The following PICALM variants were observed in gnomAD, a reference collection of about 807,000 sequenced individuals.
The protein encoded by PICALM is phosphatidylinositol binding clathrin assembly protein.
PICALM carries 40 observed loss-of-function variants against 80.5 expected under a neutral mutation model. That is an observed-to-expected ratio of 0.50 (90% CI 0.39 to 0.65). The LOEUF is 0.65. PICALM is among the 30% of genes least tolerant of loss of function. The pLI, the probability that PICALM is intolerant of heterozygous loss-of-function variation, is 0.00. For missense variants in PICALM, 676 were observed against 778.9 expected (o/e 0.87, Z 1.57); for synonymous variants, 288 against 260.3 (o/e 1.11, Z -1.02).
At chr11:86,049,359 T>C (rs1021594573) in intron 1 of PICALM, among the ~76,000 whole-genome samples, 4 of 152,210 alleles carry the variant, frequency 2.6e-5, no homozygotes, top group African/African-American at 9.6e-5. Context: ...ACTATCCAGT[T>C]AACTTATTTT....
intron 19 of PICALM, among the ~76,000 whole-genome samples, chr11:85,970,450 G>T (rs2094065471): frequency 6.6e-6 from 1 of 152,192 alleles, no homozygotes; most frequent in Non-Finnish European, 1.5e-5. Flanking sequence ...TATAAATAGG[G>T]AGGCTTCATG....
chr11:86,011,942 C>G (rs12287808), intron 6 of PICALM, among the ~76,000 whole-genome samples: 17 of 151,430 alleles, frequency 1.1e-4, no homozygotes, highest in Admixed American at 1.1e-3. Flanking sequence ...CCTCCGCCTC[C>G]TGGGTTCAAG....
intron 1 of PICALM, among the ~76,000 whole-genome samples, chr11:86,049,373 T>A (rs2096137200): frequency 6.6e-6 from 1 of 152,216 alleles, no homozygotes; most frequent in African/African-American, 2.4e-5. Flanking sequence ...TTATTTTATC[T>A]TTGATATTCA....
intron 19 of PICALM, among the ~76,000 whole-genome samples, chr11:85,970,742 G>T (rs1331422985): frequency 6.6e-6 from 1 of 152,154 alleles, no homozygotes; most frequent in African/African-American, 2.4e-5. Context: ...GGCAGAGGCT[G>T]CAGTGAGCTG....
chr11:86,037,421 G>A (rs1231936388), intron 1 of PICALM, among the ~76,000 whole-genome samples: 5 of 150,752 alleles, frequency 3.3e-5, no homozygotes, highest in Admixed American at 1.3e-4. Flanking sequence ...TACCACGCCC[G>A]GCTAATTTTT....
At chr11:85,967,462 G>C (rs1256756876) in intron 19 of PICALM, among the ~76,000 whole-genome samples, 2 of 152,240 alleles carry the variant, frequency 1.3e-5, no homozygotes, top group African/African-American at 2.4e-5. Context: ...ATAGTGATCA[G>C]CAGATGAGAC....
intron 7 of PICALM, among the ~76,000 whole-genome samples, 175 bp from the exon 8 acceptor site, chr11:86,007,758 G>A (rs2095308274): frequency 6.6e-6 from 1 of 151,866 alleles, no homozygotes. Flanking sequence ...ATATTATTTG[G>A]TGGCCCTAAA....
At chr11:86,000,274 T>C (rs898448978) in intron 11 of PICALM, among the ~76,000 whole-genome samples, 2 of 152,234 alleles carry the variant, frequency 1.3e-5, no homozygotes, top group Admixed American at 6.5e-5. Flanking sequence ...TAATATCTAA[T>C]GAAATGGTAT....
At chr11:85,970,133 C>T (rs185690245) in intron 19 of PICALM, among the ~76,000 whole-genome samples, 2 of 152,218 alleles carry the variant, frequency 1.3e-5, no homozygotes, top group East Asian at 3.9e-4. Context: ...AGTAAACATG[C>T]CAGAGAAGCT....
At chr11:86,039,847 C>CA (rs2095919783) in intron 1 of PICALM, among the ~76,000 whole-genome samples, 1 of 151,094 alleles carries the variant, frequency 6.6e-6, no homozygotes, top group African/African-American at 2.4e-5. Context: ...ACTAAAAATA[C>CA]AAAAAAATTA....
chr11:86,049,999 C>A (rs983047438), intron 1 of PICALM, among the ~76,000 whole-genome samples: 5 of 151,466 alleles, frequency 3.3e-5, no homozygotes, highest in Non-Finnish European at 7.4e-5. Flanking sequence ...CAGGAGTTCA[C>A]AACCAGCCTG....
chr11:85,976,744 A>G, intron 17 of PICALM, 62 bp from the exon 18 acceptor site: 1 of 926,218 alleles, frequency 1.1e-6, no homozygotes, highest in Non-Finnish European at 1.8e-6. Context: ...ACTGAGTTCA[A>G]GGAATTAGTA....
At chr11:85,969,430 T>C (rs2094024400) in intron 19 of PICALM, among the ~76,000 whole-genome samples, 1 of 152,228 alleles carries the variant, frequency 6.6e-6, no homozygotes. Flanking sequence ...TGGAATTTCA[T>C]TTTTCATTTA....
intron 4 of PICALM, among the ~76,000 whole-genome samples, chr11:86,018,275 C>T (rs2095510998): frequency 6.6e-6 from 1 of 152,104 alleles, no homozygotes; most frequent in South Asian, 2.1e-4. Context: ...GGGGAGTGTG[C>T]TCAATATCAC....
At chr11:85,959,343 A>T (rs1331122752) in intron 19 of PICALM, among the ~76,000 whole-genome samples, 1 of 14,230 alleles carries the variant, frequency 7.0e-5, no homozygotes, top group Non-Finnish European at 1.4e-4. Flanking sequence ...ATCAAAGCTC[A>T]ATGGCTGGGC....
At chr11:86,006,502 C>T (rs2095279911) in intron 8 of PICALM, among the ~76,000 whole-genome samples, 1 of 152,112 alleles carries the variant, frequency 6.6e-6, no homozygotes, top group Non-Finnish European at 1.5e-5. Flanking sequence ...CGAAAATTAG[C>T]TGGGCGTGGT....
At chr11:86,016,359 C>T (rs978973046) in intron 4 of PICALM, among the ~76,000 whole-genome samples, 1 of 152,174 alleles carries the variant, frequency 6.6e-6, no homozygotes, top group African/African-American at 2.4e-5. Context: ...GTGACAATTA[C>T]CTTTTAACCT....
Position 86,013,506 on chromosome 11 carries a change from G to A in PICALM, c.547-1114C>T, listed in dbSNP as rs77160827. On this transcript the variant is annotated intron_variant, in intron 5 of 19. Coordinates refer to ENST00000393346, the MANE Select transcript of PICALM (RefSeq NM_007166.4). Reference sequence around the variant, plus strand: ...ATAGAAACACACACACACACAGAGGGAGAGACAGACAAGAGACAGAGAGAG... The same window carrying A: ...ATAGAAACACACACACACACAGAGGAAGAGACAGACAAGAGACAGAGAGAG... Among the ~76,000 whole-genome samples, 1,169 of 152,066 alleles carry A rather than the reference G, an allele frequency of 7.7e-3. 15 individuals carry two copies. The highest frequency in any genetic ancestry group is 0.027 in the African/African-American group (1,122 of 41,466).
chr11:85,988,174 C>CTA (rs1454528980), intron 13 of PICALM, among the ~76,000 whole-genome samples: 1 of 152,122 alleles, frequency 6.6e-6, no homozygotes, highest in African/African-American at 2.4e-5. Context: ...CCACACTGGC[C>CTA]TTGAACATAT....
Sources: gnomAD v4.1 joint callset for allele counts (sites outside exome capture counted in the v4.1 genomes callset) on GRCh38, gnomAD v4.1.1 for gene constraint, MANE v1.5 for transcripts, NCBI Gene and HGNC (gene_info 2026-07-23, HGNC 2026-07-21) for gene names.